Variants in USP26 observed in about 807,000 individuals in gnomAD.
USP26 encodes ubiquitin carboxyl-terminal hydrolase 26.
For synonymous variants in USP26, 236 were observed against 240.6 expected (o/e 0.98, Z 0.18); for missense variants, 649 against 642.3 (o/e 1.01, Z -0.11).
chrX:133,071,250 G>A (rs1212847520), intron 5 of USP26, among the ~76,000 whole-genome samples: 1 of 110,104 alleles, frequency 9.1e-6, no homozygotes, highest in East Asian at 2.8e-4. Context: ...TAAATAAATG[G>A]TACTGGATAA....
At chrX:133,071,169 A>G (rs942036743) in intron 5 of USP26, among the ~76,000 whole-genome samples, 4 of 111,129 alleles carry the variant, frequency 3.6e-5, no homozygotes, top group African/African-American at 1.3e-4. Context: ...GTGAGCTGAG[A>G]TTGCACCACT....
chrX:133,037,386 T>C (rs1179358676), intron 5 of USP26, among the ~76,000 whole-genome samples: 1 of 112,525 alleles, frequency 8.9e-6, no homozygotes, highest in African/African-American at 3.2e-5. Flanking sequence ...TTCTGTTTTC[T>C]GCATATGGCT....
intron 5 of USP26, among the ~76,000 whole-genome samples, chrX:133,038,277 T>G (rs1330715245): frequency 2.7e-5 from 3 of 111,616 alleles, no homozygotes; most frequent in African/African-American, 9.8e-5. Flanking sequence ...TTTTGCCCAT[T>G]CAGTATGATA....
chrX:133,086,472 T>C (rs1366616806), intron 4 of USP26, among the ~76,000 whole-genome samples: 1 of 110,698 alleles, frequency 9.0e-6, no homozygotes, highest in Non-Finnish European at 1.9e-5. Context: ...TAGCCAGGCA[T>C]GGTGGCACAC....
chrX:133,095,484 A>AATT (rs1340257714), intron 1 of USP26, among the ~76,000 whole-genome samples: 1 of 112,429 alleles, frequency 8.9e-6, no homozygotes, highest in Non-Finnish European at 1.9e-5. Flanking sequence ...GGACAAATAA[A>AATT]ATTATACCAA....
chrX:133,045,359 T>C (rs1476007115), intron 5 of USP26, among the ~76,000 whole-genome samples: 1 of 111,783 alleles, frequency 8.9e-6, no homozygotes, highest in Non-Finnish European at 1.9e-5. Flanking sequence ...ATCAGCTCTC[T>C]GTAAAATGGA....
At chrX:133,084,928 G>T (rs914971676) in intron 4 of USP26, among the ~76,000 whole-genome samples, 1 of 109,353 alleles carries the variant, frequency 9.1e-6, no homozygotes, top group Non-Finnish European at 1.9e-5. Flanking sequence ...TAAGTCCATT[G>T]TATCAGTCTT....
chrX:133,077,567 A>G (rs1441815197), intron 5 of USP26, among the ~76,000 whole-genome samples: 1 of 112,017 alleles, frequency 8.9e-6, no homozygotes, highest in Admixed American at 9.5e-5. Flanking sequence ...TGGCCAGATG[A>G]GTTTTGCTTC....
At position 133,026,269 on chromosome X, in the gene USP26, T is replaced by C. The variant is rs1294661915; in HGVS notation, c.1952A>G (p.Lys651Arg). 8.3e-7 allele frequency: 1 copy of C among 1,209,505 alleles called. No homozygotes were observed. The highest frequency in any genetic ancestry group is 2.3e-4 in the Middle Eastern group (1 of 4,352). ...CGTCATTAAGTGAGCTAACGGTTCT[T>C]TTTCAATGAATGCTCGATCTCCTGA... Reference protein sequence around the residue: ...VYSGDRAFIEKEPLAHLMTYL... With the variant: ...VYSGDRAFIEREPLAHLMTYL... Residue 651 changes from lysine to arginine, a missense_variant, in exon 6 of 6, where the codon AAA becomes AGA. Transcript: ENST00000511190.
chrX:133,048,499 C>A (rs1242345847), intron 5 of USP26, among the ~76,000 whole-genome samples: 2 of 107,522 alleles, frequency 1.9e-5, no homozygotes, highest in Non-Finnish European at 3.9e-5. Context: ...AACCTTCATA[C>A]CCTGGAGCAG....
At chrX:133,048,413 C>T (rs1450800639) in intron 5 of USP26, among the ~76,000 whole-genome samples, 1 of 111,881 alleles carries the variant, frequency 8.9e-6, no homozygotes, top group East Asian at 2.8e-4. Context: ...TTGTATATCC[C>T]TATTTTCATA....
At chrX:133,095,184 C>T (rs1392556034) in intron 1 of USP26, among the ~76,000 whole-genome samples, 1 of 110,208 alleles carries the variant, frequency 9.1e-6, no homozygotes, top group Admixed American at 9.7e-5. Flanking sequence ...AAATTCTTTT[C>T]GTTATTTGTA....
chrX:133,071,549 T>G (rs1306144174), intron 5 of USP26, among the ~76,000 whole-genome samples: 2 of 110,029 alleles, frequency 1.8e-5, no homozygotes, highest in Non-Finnish European at 3.8e-5. Context: ...AAAAAAAAAC[T>G]TTAAAAGCAA....
rs925090331 is a variant in USP26 at position 133,082,804 on chromosome X, T to C, written c.-77+903A>G. ...TCACTTCTGACTCATTAGAACACCA[T>C]GAAAAATAAAAGTTTCAAAAAATGC... On this transcript the variant is annotated intron_variant, in intron 5 of 5. Coordinates refer to ENST00000511190, the MANE Select transcript of USP26 (RefSeq NM_031907.3). Among the ~76,000 whole-genome samples, 13 of 110,783 alleles carry C rather than the reference T, an allele frequency of 1.2e-4. No homozygotes were observed. The East Asian group carries it at 3.4e-3, about 29-fold the overall frequency.
chrX:133,051,970 A>G, intron 5 of USP26, among the ~76,000 whole-genome samples: 1 of 112,197 alleles, frequency 8.9e-6, no homozygotes, highest in Non-Finnish European at 1.9e-5. Flanking sequence ...ATGGCTTCCT[A>G]ACTGATGTTC....
intron 5 of USP26, among the ~76,000 whole-genome samples, chrX:133,053,566 T>C (rs1368166462): frequency 2.8e-5 from 3 of 106,980 alleles, no homozygotes; most frequent in South Asian, 8.1e-4. Context: ...AAAAAAAAAG[T>C]ATAGAGGGCT....
rs1198872172 is a variant in USP26 at position 133,057,844 on chromosome X, T to TTATATATA, written c.-77+25855_-77+25862dup. Among the ~76,000 whole-genome samples, 83 of 30,648 alleles carry TTATATATA rather than the reference T, an allele frequency of 2.7e-3. 3 individuals are homozygous for TTATATATA. Among genetic ancestry groups the TTATATATA allele is most frequent in the African/African-American group, 0.01 (38 of 3,713 alleles). The allele number at this position is 30,648 out of a possible 115,157, so 26.6% of individuals were successfully genotyped here. ...TTGGGGTCTGAGAATATACTTTACA[T>TTATATATA]TATATATATATATATATATATATTT... On this transcript the variant is annotated intron_variant, in intron 5 of 5. Transcript: ENST00000511190.
At chrX:133,044,719 C>G (rs1223089048) in intron 5 of USP26, among the ~76,000 whole-genome samples, 1 of 113,301 alleles carries the variant, frequency 8.8e-6, no homozygotes, top group African/African-American at 3.2e-5. Context: ...ACCCCCTGCT[C>G]CACAGTGCCT....
chrX:133,053,538 A>T (rs779632336), intron 5 of USP26, among the ~76,000 whole-genome samples: 327 of 90,492 alleles, frequency 3.6e-3, no homozygotes, highest in South Asian at 6.6e-3. Flanking sequence ...ACTCTTTTTT[A>T]AAAAAAAAAA....
Sources: gnomAD v4.1 joint callset for allele counts (sites outside exome capture counted in the v4.1 genomes callset) on GRCh38, gnomAD v4.1.1 for gene constraint, MANE v1.5 for transcripts, NCBI Gene and HGNC (gene_info 2026-07-23, HGNC 2026-07-21) for gene names.